NRXN1: variants seen among roughly 807,000 people sequenced by gnomAD.
NRXN1 encodes neurexin-1.
NRXN1 carries 39 observed loss-of-function variants against 150.9 expected under a neutral mutation model. That is an observed-to-expected ratio of 0.26 (90% confidence interval 0.20 to 0.34). The LOEUF is 0.34. Among genes scored for constraint, NRXN1 ranks in the 10% least tolerant of loss-of-function variants. The pLI, the probability that NRXN1 is intolerant of heterozygous loss-of-function variation, is 1.00. For missense variants in NRXN1, 1,815 were observed against 1,949.9 expected, an observed-to-expected ratio of 0.93 and a Z score of 1.30; for synonymous variants, 924 against 757.0, an observed-to-expected ratio of 1.22 and a Z score of -3.62.
At position 50,744,434 on chromosome 2, in the gene NRXN1, A is replaced by G. The variant is rs185171453; in HGVS notation, c.833-120819T>C. ...GATAAGAATAAAAACATTAATTATA[A>G]CAAGATATAATTAATAATCAGTTAC... On this transcript the variant is annotated intron_variant, in intron 5 of 22. Coordinates refer to ENST00000401669, the MANE Select transcript of NRXN1 (RefSeq NM_001330078.2). 4.5e-4 allele frequency among the ~76,000 whole-genome samples: 69 copies of G among 152,230 alleles called. 1 individual carries two copies. The highest frequency in any genetic ancestry group is 3.9e-3 in the Admixed American group (59 of 15,288).
intron 19 of NRXN1, among the ~76,000 whole-genome samples, chr2:50,056,676 T>C (rs1225272483): frequency 1.3e-5 from 2 of 152,134 alleles, no homozygotes; most frequent in East Asian, 3.9e-4. Flanking sequence ...ATATGCATAT[T>C]TGGAATTTTT....
chr2:50,079,996 A>C (rs1697708174), intron 19 of NRXN1, among the ~76,000 whole-genome samples: 1 of 152,132 alleles, frequency 6.6e-6, no homozygotes, highest in African/African-American at 2.4e-5. Flanking sequence ...CATGCAATTT[A>C]AATAATAAAG....
intron 18 of NRXN1, among the ~76,000 whole-genome samples, chr2:50,170,381 C>G (rs963743962): frequency 1.3e-5 from 2 of 152,024 alleles, no homozygotes; most frequent in Non-Finnish European, 2.9e-5. Flanking sequence ...CTGCAACCTC[C>G]GCCTCCTGGA....
At chr2:50,339,885 C>G (rs2077437152) in intron 17 of NRXN1, among the ~76,000 whole-genome samples, 1 of 152,160 alleles carries the variant, frequency 6.6e-6, no homozygotes, top group African/African-American at 2.4e-5. Context: ...GTTAGCTACT[C>G]TTTTGTGGCT....
At chr2:50,495,385 G>T (rs1444177681) in intron 15 of NRXN1, among the ~76,000 whole-genome samples, 4 of 131,482 alleles carry the variant, frequency 3.0e-5, no homozygotes, top group Admixed American at 1.5e-4. Flanking sequence ...TGTGTGGTGT[G>T]TGTGTGTGTG....
chr2:50,607,196 C>T (rs958036373), intron 8 of NRXN1, among the ~76,000 whole-genome samples: 3 of 152,012 alleles, frequency 2.0e-5, no homozygotes, highest in Non-Finnish European at 2.9e-5. Context: ...GCAAAGCCTG[C>T]CGCCAGCTCA....
intron 5 of NRXN1, among the ~76,000 whole-genome samples, chr2:50,700,638 C>G (rs1693602322): frequency 6.6e-6 from 1 of 151,980 alleles, no homozygotes; most frequent in African/African-American, 2.4e-5. Context: ...AATAAAATAC[C>G]CTATTTTGTT....
At chr2:50,830,803 C>T (rs1402794548) in intron 5 of NRXN1, among the ~76,000 whole-genome samples, 1 of 151,396 alleles carries the variant, frequency 6.6e-6, no homozygotes. Context: ...GTAGTCTTTA[C>T]TAAATCTCAA....
At chr2:50,415,955 CAAAAA>C (rs10585013) in intron 17 of NRXN1, among the ~76,000 whole-genome samples, 3 of 88,834 alleles carry the variant, frequency 3.4e-5, no homozygotes, top group East Asian at 2.7e-4. Flanking sequence ...CAACAACATA[CAAAAA>C]AAAAAAAAAA....
At chr2:50,345,297 T>C (rs2077862710) in intron 17 of NRXN1, among the ~76,000 whole-genome samples, 1 of 152,116 alleles carries the variant, frequency 6.6e-6, no homozygotes, top group African/African-American at 2.4e-5. Flanking sequence ...AGTTAGATTA[T>C]GCTATAGTTT....
chr2:50,158,064 A>AGTGTGTGT lies in NRXN1; in HGVS notation c.3547-66578_3547-66571dup, dbSNP rs71401060. Among the ~76,000 whole-genome samples the AGTGTGTGT allele has an allele frequency of 3.3e-3, 436 of 134,048 alleles. 4 individuals carry two copies. The highest frequency in any genetic ancestry group is 9.0e-3 in the African/African-American group (321 of 35,798). The allele number at this position is 134,048 out of a possible 152,430, so 87.9% of individuals were successfully genotyped here. On this transcript the variant is annotated intron_variant, in intron 18 of 22. Coordinates refer to ENST00000401669, the MANE Select transcript of NRXN1 (RefSeq NM_001330078.2). The stretch of plus-strand genomic sequence containing the variant: ...CTTCAGGAATATTTATAAGAAGTTG[A>AGTGTGTGT]GTGTGTGTGTGTGTGTGTGTGTGTG...
Position 50,347,552 on chromosome 2 carries a change from C to T in NRXN1, c.3365-110582G>A. 9.7e-7 allele frequency: 1 copy of T among 1,027,244 alleles called. No individual in the cohort carries two copies. The highest frequency in any genetic ancestry group is 1.2e-6 in the Non-Finnish European group (1 of 854,958). The allele number at this position is 1,027,244 out of a possible 1,614,324, so 63.6% of individuals were successfully genotyped here. A position where few individuals can be genotyped will look rare whatever the true frequency, so the allele number is the denominator to read the frequency against. On this transcript the variant is annotated intron_variant, in intron 17 of 22. Coordinates refer to ENST00000401669, the MANE Select transcript of NRXN1 (RefSeq NM_001330078.2). This position sits in a 1 kb window ranked among gnomAD's most constrained non-coding sequence, Gnocchi z 4.9. ...GCGCCAGCCTCCCCCGGGCAGCGCG[C>T]GGAGCAGCGGCGCGCATCGCCTGCT...
At chr2:50,294,567 C>G (rs546845369) in intron 17 of NRXN1, among the ~76,000 whole-genome samples, 1 of 152,104 alleles carries the variant, frequency 6.6e-6, no homozygotes, top group African/African-American at 2.4e-5. Context: ...GAGAATGACA[C>G]CTAAATCAGC....
intron 17 of NRXN1, among the ~76,000 whole-genome samples, chr2:50,414,529 C>T (rs2083406473): frequency 6.6e-6 from 1 of 151,534 alleles, no homozygotes; most frequent in Non-Finnish European, 1.5e-5. Context: ...TAATAAAAAA[C>T]AAACAAGATA....
intron 18 of NRXN1, among the ~76,000 whole-genome samples, chr2:50,152,617 A>G (rs1558984929): frequency 6.6e-6 from 1 of 151,604 alleles, no homozygotes; most frequent in Non-Finnish European, 1.5e-5. Flanking sequence ...GTTTTGCTTT[A>G]TTTTTTTATT....
chr2:50,304,475 C>T (rs921755333), intron 17 of NRXN1, among the ~76,000 whole-genome samples: 8 of 152,232 alleles, frequency 5.3e-5, no homozygotes, highest in Non-Finnish European at 1.2e-4. Flanking sequence ...TTATTCATTC[C>T]ATACCACAAT....
chr2:50,464,825 G>C (rs1013933467), intron 17 of NRXN1, among the ~76,000 whole-genome samples: 4 of 151,848 alleles, frequency 2.6e-5, no homozygotes, highest in Non-Finnish European at 4.4e-5. Context: ...CCTCACTGCT[G>C]TGATATAAAT....
chr2:49,934,940 A>C (rs567101516), intron 22 of NRXN1, among the ~76,000 whole-genome samples: 1 of 152,302 alleles, frequency 6.6e-6, no homozygotes, highest in Middle Eastern at 3.4e-3. Flanking sequence ...GTCACTGAGA[A>C]AAGTTTTATG....
At chr2:50,417,925 T>C (rs755496095) in intron 17 of NRXN1, among the ~76,000 whole-genome samples, 8 of 151,754 alleles carry the variant, frequency 5.3e-5, no homozygotes, top group Non-Finnish European at 7.4e-5. Flanking sequence ...AAATATCACA[T>C]GTGGATTAAG....
Sources: gnomAD v4.1 joint callset for allele counts (sites outside exome capture counted in the v4.1 genomes callset) on GRCh38, gnomAD v4.1.1 for gene constraint, Gnocchi (gnomAD v3.1) non-coding constraint, MANE v1.5 for transcripts, NCBI Gene and HGNC (gene_info 2026-07-23, HGNC 2026-07-21) for gene names.